Variants in EPS8 observed in about 807,000 individuals in gnomAD.
The protein encoded by EPS8 is epidermal growth factor receptor kinase substrate 8.
In EPS8, 42 loss-of-function variants were observed where a neutral mutation model predicts 103.8. The ratio of observed to expected loss-of-function variants is 0.40; its 90% confidence interval spans 0.32 to 0.52. EPS8 has a LOEUF of 0.52. Ranked by LOEUF, EPS8 falls within the 20% of genes least tolerant of loss-of-function variation. The probability of loss-of-function intolerance (pLI) is 0.40; values close to 1 mark genes in which losing one functional copy is unlikely to be tolerated. For missense variants in EPS8, 969 were observed against 1,005.1 expected, an observed-to-expected ratio of 0.96 and a Z score of 0.49; for synonymous variants, 344 against 344.6, an observed-to-expected ratio of 1.00 and a Z score of 0.02.
chr12:15,772,693 G>A lies in EPS8; in HGVS notation c.-22+16468C>T, dbSNP rs1435774520. On this transcript the variant is annotated intron_variant, in intron 1 of 20. Coordinates refer to ENST00000281172, the MANE Select transcript of EPS8 (RefSeq NM_004447.6). The surrounding 1 kb of genome is among the most constrained non-coding windows in gnomAD (Gnocchi z 5.0). ...AGAGCTTCTGAATCAACATCTAAGTGTAGATGGGTAACAAAGCAGAGGTAG... is the reference window on the plus strand; with the variant it reads ...AGAGCTTCTGAATCAACATCTAAGTATAGATGGGTAACAAAGCAGAGGTAG... Among the ~76,000 whole-genome samples the A allele has an allele frequency of 6.6e-6, 1 of 152,186 alleles. No individual in the cohort carries two copies. The highest frequency in any genetic ancestry group is 1.9e-4 in the East Asian group (1 of 5,194).
rs1219124589 is a variant in EPS8, at chr12:15,734,086, C to G, written c.-21-51114G>C. Among the ~76,000 whole-genome samples the G allele has an allele frequency of 6.6e-6, 1 of 152,110 alleles. No homozygotes were observed. Among genetic ancestry groups the G allele is most frequent in the Non-Finnish European group, 1.5e-5 (1 of 68,012 alleles). ...AACTCCTGAGCTCAAGTAATCCTCC[C>G]ATCTCAGCCTCCCCAAAGTTCTGGG... On this transcript the variant is annotated intron_variant, in intron 1 of 20. Coordinates refer to ENST00000281172, the MANE Select transcript of EPS8 (RefSeq NM_004447.6). The surrounding 1 kb of genome is among the most constrained non-coding windows in gnomAD (Gnocchi z 4.1).
At chr12:15,726,863 A>G (rs1946659369) in intron 1 of EPS8, among the ~76,000 whole-genome samples, 1 of 152,224 alleles carries the variant, frequency 6.6e-6, no homozygotes, top group Admixed American at 6.5e-5. Context: ...TGATTACTCC[A>G]CTTTCATTAG....
rs1353942142 is a variant in EPS8 at position 15,727,982 on chromosome 12, C to T, written c.-21-45010G>A. 2.0e-5 allele frequency: 3 copies of T among 152,184 alleles called. No individual in the cohort carries two copies. The highest frequency in any genetic ancestry group is 4.4e-5 in the Non-Finnish European group (3 of 68,044). 9.4% of individuals were successfully genotyped at this position (152,184 alleles called of 1,614,324 possible). On this transcript the variant is annotated intron_variant, in intron 1 of 20. Transcript: ENST00000281172. The surrounding 1 kb of genome is among the most constrained non-coding windows in gnomAD (Gnocchi z 4.3). ...TATAACTGCAGCATAGAATAATTCC[C>T]TACCAGGTCTGACTGCAATGGAAAG...
At chr12:15,739,811 C>T (rs925070700) in intron 1 of EPS8, among the ~76,000 whole-genome samples, 14 of 152,258 alleles carry the variant, frequency 9.2e-5, no homozygotes, top group African/African-American at 3.4e-4. Flanking sequence ...AATAGATATC[C>T]TATTATTTCT....
At position 15,695,663 on chromosome 12, in the gene EPS8, G is replaced by C. The variant is rs1197752735; in HGVS notation, c.-21-12691C>G. 2.0e-5 allele frequency among the ~76,000 whole-genome samples: 3 copies of C among 152,168 alleles called. No individual in the cohort carries two copies. Among genetic ancestry groups the C allele is most frequent in the African/African-American group, 7.2e-5 (3 of 41,444 alleles). On this transcript the variant is annotated intron_variant, in intron 1 of 20. Coordinates refer to ENST00000281172, the MANE Select transcript of EPS8 (RefSeq NM_004447.6). This position sits in a 1 kb window ranked among gnomAD's most constrained non-coding sequence, Gnocchi z 5.0. ...CTACCTTCATGGAGCTTACAATCTA[G>C]AGGGAGGAGAGCATGAAATAAGAAA...
In EPS8 at chr12:15,772,081, A is replaced by T. The variant is rs1416480083; in HGVS notation, c.-22+17080T>A. ...AAGCAAGGTAGTTAACATGATTAGC[A>T]GTGAGAGACGGAAGAGGAGAGTGCT... On this transcript the variant is annotated intron_variant, in intron 1 of 20. Coordinates refer to ENST00000281172, the MANE Select transcript of EPS8 (RefSeq NM_004447.6). The surrounding 1 kb of genome is among the most constrained non-coding windows in gnomAD (Gnocchi z 5.0). Among the ~76,000 whole-genome samples the T allele has an allele frequency of 6.6e-6, 1 of 152,194 alleles. No individual in the cohort carries two copies. The highest frequency in any genetic ancestry group is 1.5e-5 in the Non-Finnish European group (1 of 68,034).
intron 3 of EPS8, among the ~76,000 whole-genome samples, chr12:15,673,150 C>T (rs1266678968): frequency 2.6e-5 from 4 of 152,092 alleles, no homozygotes; most frequent in Admixed American, 6.5e-5. Context: ...TGACATTAAC[C>T]GATCACTCTG....
rs61385343 is a variant in EPS8 at position 15,663,939 on chromosome 12, A to ATTAT, written c.736+1816_736+1817insATAA. On this transcript the variant is annotated intron_variant, in intron 8 of 20. Transcript: ENST00000281172. ...CCATCTCAAAAAAAAAAAAAAAAAA[A>ATTAT]AAAAAAATAATATATATATATATAT... Among the ~76,000 whole-genome samples, 58 of 63,776 alleles carry ATTAT rather than the reference A, an allele frequency of 9.1e-4. 2 individuals carry two copies. The highest frequency in any genetic ancestry group is 7.5e-3 in the Admixed American group (37 of 4,962). The allele number at this position is 63,776 out of a possible 152,430, so 41.8% of individuals were successfully genotyped here.
chr12:15,766,184 A>G (rs547129168), intron 1 of EPS8, among the ~76,000 whole-genome samples: 23 of 151,750 alleles, frequency 1.5e-4, no homozygotes, highest in Admixed American at 3.3e-4. Flanking sequence ...AGAAAGAAAG[A>G]AAGGAAGTTT....
chr12:15,767,679 A>T lies in EPS8; in HGVS notation c.-22+21482T>A, dbSNP rs1947111275. Among the ~76,000 whole-genome samples, 1 of 152,208 alleles carries T rather than the reference A, an allele frequency of 6.6e-6. No homozygotes were observed. The highest frequency in any genetic ancestry group is 1.5e-5 in the Non-Finnish European group (1 of 68,036). On this transcript the variant is annotated intron_variant, in intron 1 of 20. Transcript: ENST00000281172. The surrounding 1 kb of genome is among the most constrained non-coding windows in gnomAD (Gnocchi z 5.5). The stretch of plus-strand genomic sequence containing the variant: ...CACTAAATATTTGTTTCAAACTGAG[A>T]TATGTCTTCTTCTCTGCTAAACATG...
At chr12:15,741,542 G>A (rs1022168286) in intron 1 of EPS8, among the ~76,000 whole-genome samples, 3 of 152,116 alleles carry the variant, frequency 2.0e-5, no homozygotes, top group South Asian at 2.1e-4. Context: ...GCAATTTATC[G>A]AGCCTGCCCC....
chr12:15,778,145 C>A lies in EPS8; in HGVS notation c.-22+11016G>T, dbSNP rs923905428. Among the ~76,000 whole-genome samples the A allele has an allele frequency of 1.3e-5, 2 of 152,070 alleles. No homozygotes were observed. Among genetic ancestry groups the A allele is most frequent in the African/African-American group, 4.8e-5 (2 of 41,390 alleles). ...CTTACATATTATTGTTCAGGCTAGG[C>A]CACCATGGATTATTCATTTTAAAAT... On this transcript the variant is annotated intron_variant, in intron 1 of 20. Transcript: ENST00000281172. This position sits in a 1 kb window ranked among gnomAD's most constrained non-coding sequence, Gnocchi z 4.5.
At chr12:15,782,140 A>G (rs1006862193) in intron 1 of EPS8, 2 of 152,198 alleles carry the variant, frequency 1.3e-5, no homozygotes, top group Non-Finnish European at 2.9e-5. Flanking sequence ...GGGTCCACTT[A>G]TACACAGATT....
intron 3 of EPS8, among the ~76,000 whole-genome samples, chr12:15,675,631 T>C (rs903283380): frequency 1.3e-5 from 2 of 151,950 alleles, no homozygotes; most frequent in African/African-American, 4.8e-5. Context: ...CTTAAAAGAG[T>C]ACCTTTCTAT....
chr12:15,646,685 T>C (rs1164917070), intron 15 of EPS8, among the ~76,000 whole-genome samples: 1 of 152,198 alleles, frequency 6.6e-6, no homozygotes, highest in African/African-American at 2.4e-5. Context: ...TGACCCTGTT[T>C]AAATATTTAG....
rs979026289 is a variant in EPS8 at position 15,784,119 on chromosome 12, A to C, written c.-22+5042T>G. 6.6e-6 allele frequency among the ~76,000 whole-genome samples: 1 copy of C among 152,192 alleles called. No homozygotes were observed. The highest frequency in any genetic ancestry group is 1.5e-5 in the Non-Finnish European group (1 of 67,990). ...GGCAATGAGTTTTCAAATATAACAC[A>C]AAAGCCTATCCATGAAATTGGTAAG... On this transcript the variant is annotated intron_variant, in intron 1 of 20. Coordinates refer to ENST00000281172, the MANE Select transcript of EPS8 (RefSeq NM_004447.6). The surrounding 1 kb of genome is among the most constrained non-coding windows in gnomAD (Gnocchi z 4.0).
chr12:15,683,651 C>T (rs985991497), intron 1 of EPS8: 3 of 152,124 alleles, frequency 2.0e-5, no homozygotes, highest in Non-Finnish European at 4.4e-5. Flanking sequence ...TATTTAACCT[C>T]AAAAACCATT....
intron 17 of EPS8, among the ~76,000 whole-genome samples, chr12:15,639,305 G>A (rs1945189056): frequency 6.6e-6 from 1 of 151,994 alleles, no homozygotes; most frequent in South Asian, 2.1e-4. Flanking sequence ...CCAGACAGAA[G>A]CATATATTAT....
At chr12:15,623,116 T>C (rs755203784) in intron 20 of EPS8, 42 bp downstream of exon 20, 2 of 1,566,630 alleles carry the variant, frequency 1.3e-6, no homozygotes, top group Non-Finnish European at 8.6e-7. Flanking sequence ...TCCAGAGCTT[T>C]CAATTTGCAG....
Sources: gnomAD v4.1 joint callset for allele counts (sites outside exome capture counted in the v4.1 genomes callset) on GRCh38, gnomAD v4.1.1 for gene constraint, Gnocchi (gnomAD v3.1) non-coding constraint, MANE v1.5 for transcripts, NCBI Gene and HGNC (gene_info 2026-07-23, HGNC 2026-07-21) for gene names.